The following SLC9A2 variants were observed in gnomAD, a reference collection of about 807,000 sequenced individuals.
SLC9A2 encodes the protein sodium/hydrogen exchanger 2.
Under a neutral mutation model 71.7 loss-of-function variants are expected in SLC9A2, and 42 were observed. The observed-to-expected ratio is 0.59, with a 90% CI of 0.46 to 0.76. The LOEUF is 0.76. SLC9A2 is among the 30% of genes least tolerant of loss of function. The pLI, the probability that SLC9A2 is intolerant of heterozygous loss-of-function variation, is 0.00. For missense variants in SLC9A2, 829 were observed against 1,017.4 expected, an observed-to-expected ratio of 0.81 and a Z score of 2.52; for synonymous variants, 396 against 392.5, an observed-to-expected ratio of 1.01 and a Z score of -0.10.
chr2:102,660,780 G>A (rs1677033516), intron 2 of SLC9A2, among the ~76,000 whole-genome samples: 2 of 152,268 alleles, frequency 1.3e-5, no homozygotes, highest in Admixed American at 1.3e-4. Context: ...GGAACTCACG[G>A]ACTTTGGAAA....
chr2:102,704,392 C>A, intron 9 of SLC9A2, 152 bp from the exon 10 acceptor site: 1 of 524,016 alleles, frequency 1.9e-6, no homozygotes, highest in Non-Finnish European at 3.4e-6. Context: ...AACTTTTATA[C>A]TGTTAATTTA....
At chr2:102,678,340 ACAG>A (rs1379544855) in intron 3 of SLC9A2, among the ~76,000 whole-genome samples, 2 of 150,450 alleles carry the variant, frequency 1.3e-5, no homozygotes, top group African/African-American at 4.9e-5. Flanking sequence ...AAAAAAAAAA[ACAG>A]AGAGAGAGAG....
intron 1 of SLC9A2, among the ~76,000 whole-genome samples, chr2:102,630,718 A>G (rs1320316032): frequency 6.6e-6 from 1 of 151,454 alleles, no homozygotes; most frequent in African/African-American, 2.4e-5. Context: ...TTGGATTTTT[A>G]GTTTTAATTA....
At chr2:102,692,646 G>T (rs1470409681) in intron 5 of SLC9A2, among the ~76,000 whole-genome samples, 2 of 152,110 alleles carry the variant, frequency 1.3e-5, no homozygotes, top group Non-Finnish European at 2.9e-5. Context: ...TTTCATGTCT[G>T]TAAGTTCCCT....
At chr2:102,670,080 G>A (rs1573418147) in intron 3 of SLC9A2, among the ~76,000 whole-genome samples, 1 of 150,384 alleles carries the variant, frequency 6.6e-6, no homozygotes, top group Non-Finnish European at 1.5e-5. Context: ...TGCCCAGGCT[G>A]GAATGCAGTG....
chr2:102,707,001 A>G (rs776152123), intron 11 of SLC9A2, among the ~76,000 whole-genome samples: 6 of 152,158 alleles, frequency 3.9e-5, no homozygotes, highest in Non-Finnish European at 7.3e-5. Flanking sequence ...GAAATAGAAA[A>G]CCAAATACCA....
chr2:102,659,287 A>T (rs1355199097), intron 2 of SLC9A2, among the ~76,000 whole-genome samples: 3 of 151,584 alleles, frequency 2.0e-5, no homozygotes, highest in African/African-American at 7.3e-5. Flanking sequence ...AAAAAAAAAA[A>T]AAAATTAGCT....
chr2:102,701,016 A>G lies in SLC9A2; in HGVS notation c.1587-54A>G, dbSNP rs1238607259. Reference sequence around the variant, plus strand: ...AATGACTTCATTGGTAAAAACAACAACTATTTTCTTAGTCAATCCAGTATT... The same window carrying G: ...AATGACTTCATTGGTAAAAACAACAGCTATTTTCTTAGTCAATCCAGTATT... On this transcript the variant is annotated intron_variant, in intron 7 of 11. Transcript: ENST00000233969. 3.8e-6 allele frequency: 5 copies of G among 1,300,278 alleles called. No individual in the cohort carries two copies. In the African/African-American group the frequency reaches 6.0e-5, roughly 16 times the overall value. 80.5% of individuals were successfully genotyped at this position (1,300,278 alleles called of 1,614,324 possible).
At chr2:102,662,827 G>T (rs940688165) in intron 2 of SLC9A2, among the ~76,000 whole-genome samples, 14 of 152,092 alleles carry the variant, frequency 9.2e-5, no homozygotes, top group Admixed American at 2.0e-4. Flanking sequence ...AAAATGGAGT[G>T]GCAGCCTTTG....
chr2:102,666,094 A>T (rs13402236), intron 3 of SLC9A2, among the ~76,000 whole-genome samples: 29,894 of 151,584 alleles, frequency 0.2, 3,316 homozygotes, highest in East Asian at 0.35. Context: ...AACCTTAGTC[A>T]TAGAAATATT....
intron 2 of SLC9A2, 76 bp downstream of exon 2, chr2:102,658,103 A>C: frequency 5.3e-6 from 6 of 1,135,818 alleles, no homozygotes; most frequent in Non-Finnish European, 7.6e-6. Context: ...CTGCACCTCA[A>C]CTGGCAGGGG....
Position 102,708,282 on chromosome 2 carries a change from C to G in SLC9A2, c.2232C>G (p.Pro744=). 1 of 1,614,124 alleles carries G rather than the reference C, an allele frequency of 6.2e-7. No individual in the cohort carries two copies. The highest frequency in any genetic ancestry group is 8.5e-7 in the Non-Finnish European group (1 of 1,180,028). ...ATGTTGATTCTGGCCGAGATATGCC[C>G]AGCACCCCCCCAACACCCCACAGCA... ...EVDVDSGRDM[P]STPPTPHSRE... is the part of the protein sequence containing the mutation. Residue 744 remains proline (P), a synonymous_variant, in exon 12 of 12, where the codon CCC becomes CCG. Transcript: ENST00000233969.
chr2:102,692,540 G>A (rs1004913720), intron 5 of SLC9A2, among the ~76,000 whole-genome samples: 3 of 152,114 alleles, frequency 2.0e-5, no homozygotes, highest in Non-Finnish European at 4.4e-5. Context: ...TGCCCACCAA[G>A]CAAGAAACTT....
chr2:102,677,795 AT>A (rs1300731337), intron 3 of SLC9A2, among the ~76,000 whole-genome samples: 3 of 152,078 alleles, frequency 2.0e-5, no homozygotes, highest in African/African-American at 4.8e-5. Flanking sequence ...ATAATTTCTC[AT>A]TTTTCTCTCC....
At chr2:102,681,692 T>C (rs1273942978) in intron 3 of SLC9A2, among the ~76,000 whole-genome samples, 3 of 152,208 alleles carry the variant, frequency 2.0e-5, no homozygotes, top group African/African-American at 7.2e-5. Context: ...GGGAAACCAA[T>C]AAATTATGCA....
At position 102,708,330 on chromosome 2, in the gene SLC9A2, A is replaced by C. The variant is rs1678025657; in HGVS notation, c.2280A>C (p.Ser760=). ...PHSREKGTQT[S]GLLQQPLLSK... is the part of the protein sequence containing the mutation. ...GCAGAGAAAAGGGCACCCAGACGTC[A>C]GGCTTACTACAGCAGCCCCTTCTCT... is the stretch of plus-strand genomic sequence containing the variant. Residue 760 remains serine, a synonymous_variant, in exon 12 of 12, where the codon TCA becomes TCC. Transcript: ENST00000233969. 1.2e-6 allele frequency: 2 copies of C among 1,614,216 alleles called. No individual in the cohort carries two copies. Among genetic ancestry groups the C allele is most frequent in the Non-Finnish European group, 1.7e-6 (2 of 1,180,042 alleles).
At chr2:102,679,058 G>A (rs1677398455) in intron 3 of SLC9A2, among the ~76,000 whole-genome samples, 1 of 152,156 alleles carries the variant, frequency 6.6e-6, no homozygotes, top group Admixed American at 6.5e-5. Context: ...GACTCAGGTT[G>A]TACATGGCAG....
At chr2:102,630,790 G>C (rs1676341282) in intron 1 of SLC9A2, among the ~76,000 whole-genome samples, 1 of 151,510 alleles carries the variant, frequency 6.6e-6, no homozygotes. Flanking sequence ...TCATGCTGTT[G>C]CATTACGTAA....
At chr2:102,687,464 A>G (rs368253485) in intron 5 of SLC9A2, among the ~76,000 whole-genome samples, 2 of 152,246 alleles carry the variant, frequency 1.3e-5, no homozygotes, top group African/African-American at 4.8e-5. Context: ...ATCCATGCAT[A>G]AAATATTGCC....
Sources: gnomAD v4.1 joint callset for allele counts (sites outside exome capture counted in the v4.1 genomes callset) on GRCh38, gnomAD v4.1.1 for gene constraint, MANE v1.5 for transcripts, NCBI Gene and HGNC (gene_info 2026-07-23, HGNC 2026-07-21) for gene names.